Variants in MAP6 observed in about 807,000 individuals in gnomAD.
MAP6 encodes the protein microtubule-associated protein 6.
MAP6 carries 26 observed loss-of-function variants against 42.4 expected under a neutral mutation model. The ratio of observed to expected loss-of-function variants is 0.61; its 90% CI spans 0.45 to 0.85. The LOEUF is 0.85. Among genes scored for constraint, MAP6 ranks in the 40% least tolerant of loss-of-function variants. MAP6 has a pLI of 0.00. For missense variants in MAP6, 966 were observed against 1,099.0 expected (o/e 0.88, Z 1.71); for synonymous variants, 418 against 443.8 (o/e 0.94, Z 0.73).
Position 75,667,669 on chromosome 11 carries a change from T to C in MAP6, c.701A>G (p.Asp234Gly). 7.9e-7 allele frequency: 1 copy of C among 1,263,300 alleles called. No individual in the cohort carries two copies. The highest frequency in any genetic ancestry group is 9.9e-7 in the Non-Finnish European group (1 of 1,009,198). The allele number at this position is 1,263,300 out of a possible 1,614,324, so 78.3% of individuals were successfully genotyped here. Reference sequence around the variant, plus strand: ...GGCCTTCCTGCGCGTGTCGCGCTCGTCCGCCCCGGACGCCTTTCCGGCCGC... The same window carrying C: ...GGCCTTCCTGCGCGTGTCGCGCTCGCCCGCCCCGGACGCCTTTCCGGCCGC... ...GLAAGKASGA[D>G]ERDTRRKAGP... Residue 234 changes from aspartate (D) to glycine (G), a missense_variant, in exon 1 of 4, where the codon GAC (aspartate) becomes GGC (glycine). Transcript: ENST00000304771. This position sits in a 1 kb window ranked among gnomAD's most constrained non-coding sequence, Gnocchi z 5.6.
At chr11:75,621,459 G>T (rs1368560097) in intron 1 of MAP6, among the ~76,000 whole-genome samples, 1 of 152,150 alleles carries the variant, frequency 6.6e-6, no homozygotes, top group East Asian at 1.9e-4. Context: ...TTCCCCCTAA[G>T]ATCAGGAACA....
chr11:75,605,409 A>G lies in MAP6; in HGVS notation c.1316+399T>C, dbSNP rs373431578. ...ATTTTTGAAAAGAACACATGTACCT[A>G]AAGTTCAAAATCGACCAGTGACACA... is the stretch of plus-strand genomic sequence containing the variant. On this transcript the variant is annotated intron_variant, in intron 3 of 3. Coordinates refer to ENST00000304771, the MANE Select transcript of MAP6 (RefSeq NM_033063.2). 5.2e-5 allele frequency: 52 copies of G among 997,158 alleles called. No homozygotes were observed. In the African/African-American group the frequency reaches 8.5e-4, roughly 16 times the overall value. 61.8% of individuals were successfully genotyped at this position (997,158 alleles called of 1,614,324 possible).
intron 1 of MAP6, among the ~76,000 whole-genome samples, chr11:75,610,843 T>C (rs117538811): frequency 0.012 from 1,861 of 152,056 alleles, 13 homozygotes; most frequent in South Asian, 0.044. Flanking sequence ...TCCAGGACTC[T>C]GGCTGGGGGG....
chr11:75,661,138 T>G (rs1433292602), intron 1 of MAP6, among the ~76,000 whole-genome samples: 2 of 152,010 alleles, frequency 1.3e-5, no homozygotes, highest in African/African-American at 4.8e-5. Flanking sequence ...AAAAATAAAT[T>G]ATCAACACTG....
chr11:75,599,358 T>C (rs1258433048), intron 3 of MAP6, among the ~76,000 whole-genome samples: 2 of 152,230 alleles, frequency 1.3e-5, no homozygotes, highest in Admixed American at 1.3e-4. Context: ...CCAATACTTA[T>C]ATACTGCAGA....
chr11:75,663,122 C>T (rs1274317581), intron 1 of MAP6, among the ~76,000 whole-genome samples: 2 of 151,708 alleles, frequency 1.3e-5, no homozygotes, highest in Non-Finnish European at 2.9e-5. Flanking sequence ...CCACCACGCC[C>T]GGCTAATTTT....
At chr11:75,595,200 A>G (rs1441058936) in intron 3 of MAP6, among the ~76,000 whole-genome samples, 2 of 152,178 alleles carry the variant, frequency 1.3e-5, no homozygotes, top group Non-Finnish European at 2.9e-5. Context: ...CTCAGTGGCC[A>G]CTGGTTAGAC....
chr11:75,600,659 T>C (rs658601), intron 3 of MAP6, among the ~76,000 whole-genome samples: 82,470 of 152,040 alleles, frequency 0.54, 22,422 homozygotes, highest in Middle Eastern at 0.64. Context: ...CGCAGATGGT[T>C]CACAGGTTAT....
chr11:75,619,328 T>C (rs1943065036), intron 1 of MAP6, among the ~76,000 whole-genome samples: 1 of 152,272 alleles, frequency 6.6e-6, no homozygotes, highest in African/African-American at 2.4e-5. Context: ...TTCACAATTT[T>C]AAATCTTTTT....
Position 75,667,757 on chromosome 11 carries a change from G to A in MAP6, c.613C>T (p.Pro205Ser). The A allele has an allele frequency of 4.6e-6, 6 of 1,311,290 alleles. No homozygotes were observed. Among genetic ancestry groups the A allele is most frequent in the Non-Finnish European group, 4.8e-6 (5 of 1,031,258 alleles). The allele number at this position is 1,311,290 out of a possible 1,614,324, so 81.2% of individuals were successfully genotyped here. A position where few individuals can be genotyped will look rare whatever the true frequency, so the allele number is the denominator to read the frequency against. ...CGGGCCTCAGCGGCGGCCTGCACTGGCCAGCGCTCCTGGCTCTGCGGCCGG... is the reference window on the plus strand; with the variant it reads ...CGGGCCTCAGCGGCGGCCTGCACTGACCAGCGCTCCTGGCTCTGCGGCCGG... The part of the protein sequence containing the change: ...KRRPQSQERW[P>S]VQAAAEAREQ... The change falls in exon 1 of 4, where the codon CCA (proline) becomes TCA (serine). Residue 205 changes from proline (P) to serine (S), a missense_variant. This residue lies in a region of MAP6 where 943 missense variants were observed against 1,049.9 expected (regional missense o/e 0.90). Coordinates refer to ENST00000304771, the MANE Select transcript of MAP6 (RefSeq NM_033063.2). This position sits in a 1 kb window ranked among gnomAD's most constrained non-coding sequence, Gnocchi z 5.6.
intron 1 of MAP6, among the ~76,000 whole-genome samples, chr11:75,609,514 G>T (rs1162305805): frequency 6.6e-6 from 1 of 152,230 alleles, no homozygotes; most frequent in African/African-American, 2.4e-5. Flanking sequence ...AGACACGCAG[G>T]CTCTCGTGCT....
intron 1 of MAP6, among the ~76,000 whole-genome samples, chr11:75,658,620 A>G (rs1271009633): frequency 6.6e-6 from 1 of 152,142 alleles, no homozygotes; most frequent in Non-Finnish European, 1.5e-5. Flanking sequence ...CACTGCTGTC[A>G]AAGTCACCTT....
chr11:75,613,591 G>A (rs774140680), intron 1 of MAP6, among the ~76,000 whole-genome samples: 104 of 152,118 alleles, frequency 6.8e-4, no homozygotes, highest in Non-Finnish European at 1.3e-3. Context: ...CCAAAGGCCC[G>A]CTGTCCCCTC....
chr11:75,641,841 C>T (rs1943476254), intron 1 of MAP6, among the ~76,000 whole-genome samples: 1 of 152,168 alleles, frequency 6.6e-6, no homozygotes, highest in South Asian at 2.1e-4. Flanking sequence ...TCTACTCAAC[C>T]CCCAGAGTCC....
At chr11:75,599,969 T>C (rs1418732075) in intron 3 of MAP6, among the ~76,000 whole-genome samples, 2 of 152,208 alleles carry the variant, frequency 1.3e-5, no homozygotes, top group Non-Finnish European at 2.9e-5. Context: ...AACGCATACA[T>C]ATAAATTGTT....
chr11:75,654,180 G>T (rs1590806558), intron 1 of MAP6, among the ~76,000 whole-genome samples: 1 of 152,264 alleles, frequency 6.6e-6, no homozygotes, highest in South Asian at 2.1e-4. Flanking sequence ...TAAGTAACTT[G>T]CTCTAAATCA....
At chr11:75,603,236 T>C (rs1942697932) in intron 3 of MAP6, 1 of 985,362 alleles carries the variant, frequency 1.0e-6, no homozygotes. Context: ...CCCAGCTCCC[T>C]CGCCAGGGAA....
chr11:75,611,498 CAT>C (rs1326073885), intron 1 of MAP6, among the ~76,000 whole-genome samples: 1 of 152,226 alleles, frequency 6.6e-6, no homozygotes. Flanking sequence ...ATCATCTTCA[CAT>C]GAGACCTTGT....
rs1265633619 is a variant in MAP6, at chr11:75,668,093, G to C, written c.277C>G (p.Arg93Gly). Residue 93 changes from arginine to glycine, a missense_variant, in exon 1 of 4, where the codon CGC (arginine) becomes GGC (glycine). Physicochemically the swap from Arg to Gly is moderately radical, Grantham distance 125. Coordinates refer to ENST00000304771, the MANE Select transcript of MAP6 (RefSeq NM_033063.2). ...CGGCCGGGGCCCGCCGCCGGCTCGC[G>C]CTCGCCGGTAGGCCCAGGCGCTGGC... ...TGPAPGPTGE[R>G]EPAAGPGRSG... 3.3e-6 allele frequency: 4 copies of C among 1,208,072 alleles called. No individual in the cohort carries two copies. The highest frequency in any genetic ancestry group is 4.1e-6 in the Non-Finnish European group (4 of 975,284). 74.8% of individuals were successfully genotyped at this position (1,208,072 alleles called of 1,614,324 possible). A position where few individuals can be genotyped will look rare whatever the true frequency, so the allele number is the denominator to read the frequency against.
Sources: allele counts gnomAD v4.1 joint callset (sites outside exome capture counted in the v4.1 genomes callset), GRCh38; gene constraint gnomAD v4.1.1; regional missense constraint gnomAD v4.1.1; non-coding constraint Gnocchi (gnomAD v3.1); transcripts MANE v1.5; gene names NCBI Gene and HGNC (gene_info 2026-07-23, HGNC 2026-07-21).